Variants in DDX39B observed in about 807,000 individuals in gnomAD.
The protein encoded by DDX39B is DExD-box helicase 39B, also known as spliceosome RNA helicase DDX39B.
A neutral mutation model predicts 46.4 loss-of-function variants in DDX39B; 6 were observed. That is an observed-to-expected ratio of 0.13 (90% CI 0.07 to 0.26). The LOEUF (loss-of-function observed/expected upper bound fraction) is 0.26, where lower values mean the gene tolerates loss of function less well. DDX39B is among the 10% of genes least tolerant of loss of function. The probability of loss-of-function intolerance (pLI) is 1.00; values close to 1 mark genes in which losing one functional copy is unlikely to be tolerated. For missense variants in DDX39B, 185 were observed against 553.4 expected (o/e 0.33, Z 6.68); for synonymous variants, 174 against 199.4 (o/e 0.87, Z 1.07).
chr6:31,539,623 C>T (rs868155892), intron 2 of DDX39B, among the ~76,000 whole-genome samples: 2 of 152,302 alleles, frequency 1.3e-5, no homozygotes, highest in Middle Eastern at 6.8e-3. Context: ...CCACAGACCA[C>T]TTCTCCTGCT....
At chr6:31,536,714 CAG>C in intron 4 of DDX39B, 31 bp from the exon 5 acceptor site, 1 of 1,607,536 alleles carries the variant, frequency 6.2e-7, no homozygotes, top group Non-Finnish European at 8.5e-7. Context: ...AGTCTCAAAA[CAG>C]AGGAAGGAAA....
chr6:31,537,142 AAAGC>A (rs923264654), intron 4 of DDX39B, among the ~76,000 whole-genome samples: 1 of 152,054 alleles, frequency 6.6e-6, no homozygotes, highest in African/African-American at 2.4e-5. Flanking sequence ...AAAATAAAAT[AAAGC>A]CAGGCCCAGT....
At position 31,539,213 on chromosome 6, in the gene DDX39B, C is replaced by T. The variant is rs920470241; in HGVS notation, c.273G>A (p.Ser91=). ...CAAACACTGCTGTCTTTCCCATGCC[C>T]GACTTGGCCTGGCACAGGACATCCA... ...LGMDVLCQAK[S]GMGKTAVFVL... The change falls in exon 3 of 11, where the codon TCG becomes TCA. Residue 91 remains serine (S), a synonymous_variant. Coordinates refer to ENST00000396172, the MANE Select transcript of DDX39B (RefSeq NM_004640.7). 9.3e-6 allele frequency: 15 copies of T among 1,613,150 alleles called. No homozygotes were observed. Among genetic ancestry groups the T allele is most frequent in the African/African-American group, 1.3e-5 (1 of 74,914 alleles).
In DDX39B at chr6:31,534,515, A is replaced by T. The variant is rs1298761307; in HGVS notation, c.735+852T>A. ...CCTATGTCCCTCTCCTCTGAGTATT[A>T]AAAAAAACAAAAAAATTTTTTTAAG... On this transcript the variant is annotated intron_variant, in intron 6 of 10. Transcript: ENST00000396172. This position sits in a 1 kb window ranked among gnomAD's most constrained non-coding sequence, Gnocchi z 5.1. 1 of 469,094 alleles carries T rather than the reference A, an allele frequency of 2.1e-6. No homozygotes were observed. Among genetic ancestry groups the T allele is most frequent in the Non-Finnish European group, 4.4e-6 (1 of 226,490 alleles). 29.1% of individuals were successfully genotyped at this position (469,094 alleles called of 1,614,324 possible).
Position 31,541,997 on chromosome 6 carries a change from G to C in DDX39B, c.-180C>G. On this transcript the variant is annotated 5_prime_UTR_variant, in exon 1 of 11. Transcript: ENST00000396172. The stretch of plus-strand genomic sequence containing the variant: ...GCGGCAGCAACAGCGACGAAGGAGG[G>C]AAATCTGCCTTCACTTCCGGTTGCA... The C allele has an allele frequency of 1.5e-6, 1 of 681,108 alleles. No homozygotes were observed. The highest frequency in any genetic ancestry group is 1.5e-5 in the South Asian group (1 of 67,008). The allele number at this position is 681,108 out of a possible 1,614,324, so 42.2% of individuals were successfully genotyped here. A position where few individuals can be genotyped will look rare whatever the true frequency, so the allele number is the denominator to read the frequency against.
chr6:31,531,059 C>G lies in DDX39B; in HGVS notation c.1116G>C (p.Leu372=), dbSNP rs1767105845. The G allele has an allele frequency of 6.2e-7, 1 of 1,614,054 alleles. No homozygotes were observed. Among genetic ancestry groups the G allele is most frequent in the African/African-American group, 1.3e-5 (1 of 75,018 alleles). The part of the protein sequence containing the change: ...YDMPEDSDTY[L]HRVARAGRFG... ...TTCAGCCTGTGAGGTTTACCCGATG[C>G]AGGTAGGTGTCAGAATCCTCAGGCA... The change falls in exon 9 of 11, where the codon CTG becomes CTC. Residue 372 remains leucine (L), a synonymous_variant. Coordinates refer to ENST00000396172, the MANE Select transcript of DDX39B (RefSeq NM_004640.7). This position sits in a 1 kb window ranked among gnomAD's most constrained non-coding sequence, Gnocchi z 5.8.
In DDX39B at chr6:31,541,955, C is replaced by G; in HGVS notation, c.-138G>C. 1 of 668,574 alleles carries G rather than the reference C, an allele frequency of 1.5e-6. No homozygotes were observed. The highest frequency in any genetic ancestry group is 2.8e-6 in the Non-Finnish European group (1 of 361,518). The allele number at this position is 668,574 out of a possible 1,614,324, so 41.4% of individuals were successfully genotyped here. A position where few individuals can be genotyped will look rare whatever the true frequency, so the allele number is the denominator to read the frequency against. On this transcript the variant is annotated 5_prime_UTR_variant, in exon 1 of 11. Coordinates refer to ENST00000396172, the MANE Select transcript of DDX39B (RefSeq NM_004640.7). Reference sequence around the variant, plus strand: ...TAGCGAAGGCCAAAGCTTACCTAAACAGGGAGAGCGCGTATGGCGGCAGCA... The same window carrying G: ...TAGCGAAGGCCAAAGCTTACCTAAAGAGGGAGAGCGCGTATGGCGGCAGCA...
chr6:31,538,901 A>C, intron 3 of DDX39B, 46 bp from the exon 4 acceptor site: 1 of 1,584,956 alleles, frequency 6.3e-7, no homozygotes, highest in Non-Finnish European at 8.7e-7. Flanking sequence ...GTAGCTCTTC[A>C]TTATCCCCTC....
At position 31,535,454 on chromosome 6, in the gene DDX39B, G is replaced by A; in HGVS notation, c.648C>T (p.Arg216=). The A allele has an allele frequency of 1.2e-6, 2 of 1,613,050 alleles. No individual in the cohort carries two copies. The highest frequency in any genetic ancestry group is 1.7e-6 in the Non-Finnish European group (2 of 1,179,858). ...DMRRDVQEIF[R]MTPHEKQVMM... is the part of the protein sequence containing the mutation. ...TGACCTGCTTCTCGTGGGGGGTCAT[G>A]CGAAAAATTTCCTGGACATCCCGAC... is the stretch of plus-strand genomic sequence containing the variant. The change falls in exon 6 of 11, where the codon CGC becomes CGT. Residue 216 remains arginine, a synonymous_variant. Coordinates refer to ENST00000396172, the MANE Select transcript of DDX39B (RefSeq NM_004640.7). The surrounding 1 kb of genome is among the most constrained non-coding windows in gnomAD (Gnocchi z 4.6).
Position 31,535,089 on chromosome 6 carries a change from G to C in DDX39B, c.735+278C>G. On this transcript the variant is annotated intron_variant, in intron 6 of 10. Transcript: ENST00000396172. This position sits in a 1 kb window ranked among gnomAD's most constrained non-coding sequence, Gnocchi z 4.6. ...GAAAAATCCTGCCCTCCCCCAAAGGGAGAAGAGGTTCAAAAATGTTGTGAT... is the reference window on the plus strand; with the variant it reads ...GAAAAATCCTGCCCTCCCCCAAAGGCAGAAGAGGTTCAAAAATGTTGTGAT... The C allele has an allele frequency of 2.0e-6, 1 of 506,300 alleles. No homozygotes were observed. 31.4% of individuals were successfully genotyped at this position (506,300 alleles called of 1,614,324 possible).
At chr6:31,538,640 AAC>A in intron 4 of DDX39B, 121 bp downstream of exon 4, 1 of 863,844 alleles carries the variant, frequency 1.2e-6, no homozygotes, top group Non-Finnish European at 1.8e-6. Context: ...ATAGGAACTC[AAC>A]ACTCTGTTAC....
chr6:31,533,215 CAAAT>C (rs1767385589), intron 6 of DDX39B: 1 of 307,552 alleles, frequency 3.3e-6, no homozygotes, highest in African/African-American at 2.2e-5. Context: ...GCCATTACCT[CAAAT>C]AGAGGTGGGA....
intron 6 of DDX39B, 28 bp from the exon 7 acceptor site, chr6:31,532,939 G>A (rs755532357): frequency 4.9e-6 from 4 of 821,948 alleles, no homozygotes; most frequent in South Asian, 4.4e-5. Context: ...GGTGGGGAAC[G>A]GGAGGAGGGC....
chr6:31,537,696 A>G (rs997334279), intron 4 of DDX39B, among the ~76,000 whole-genome samples: 1 of 151,982 alleles, frequency 6.6e-6, no homozygotes, highest in Non-Finnish European at 1.5e-5. Context: ...GAAAAGAACA[A>G]CTGTGGAATC....
In DDX39B at chr6:31,534,978, G is replaced by T; in HGVS notation, c.735+389C>A. 7.1e-6 allele frequency: 2 copies of T among 282,350 alleles called. No individual in the cohort carries two copies. Among genetic ancestry groups the T allele is most frequent in the Non-Finnish European group, 1.4e-5 (2 of 143,862 alleles). 17.5% of individuals were successfully genotyped at this position (282,350 alleles called of 1,614,324 possible). ...AAGTAGGAGTTTTGGTGAGCAGAAG[G>T]CTCCAGCTGTACGCTCGATGCCACC... On this transcript the variant is annotated intron_variant, in intron 6 of 10. Coordinates refer to ENST00000396172, the MANE Select transcript of DDX39B (RefSeq NM_004640.7). The surrounding 1 kb of genome is among the most constrained non-coding windows in gnomAD (Gnocchi z 5.1).
chr6:31,531,101 A>T lies in DDX39B; in HGVS notation c.1074T>A (p.Ile358=), dbSNP rs1767109526. 1 of 1,614,088 alleles carries T rather than the reference A, an allele frequency of 6.2e-7. No homozygotes were observed. Among genetic ancestry groups the T allele is most frequent in the Non-Finnish European group, 8.5e-7 (1 of 1,180,034 alleles). The change falls in exon 9 of 11, where the codon ATT becomes ATA. Residue 358 remains isoleucine (I), a synonymous_variant. Coordinates refer to ENST00000396172, the MANE Select transcript of DDX39B (RefSeq NM_004640.7). The surrounding 1 kb of genome is among the most constrained non-coding windows in gnomAD (Gnocchi z 5.8). The part of the protein sequence containing the change: ...GRGMDIERVN[I]AFNYDMPEDS... ...CCTCAGGCATGTCATAATTAAAAGC[A>T]ATGTTCACCCGCTCGATGTCCATGC...
intron 2 of DDX39B, 85 bp downstream of exon 2, chr6:31,540,237 C>A: frequency 6.9e-7 from 1 of 1,446,328 alleles, no homozygotes; most frequent in East Asian, 2.3e-5. Flanking sequence ...TAAACCCTTA[C>A]CACCACCTGA....
rs1767736426 is a variant in DDX39B at position 31,535,970 on chromosome 6, C to T, written c.617-485G>A. On this transcript the variant is annotated intron_variant, in intron 5 of 10. Transcript: ENST00000396172. This position sits in a 1 kb window ranked among gnomAD's most constrained non-coding sequence, Gnocchi z 4.6. ...AGATCATTTGTAATGACTTATGGGGCCTATGTCCAACCCCACTCTCATTCA... is the reference window on the plus strand; with the variant it reads ...AGATCATTTGTAATGACTTATGGGGTCTATGTCCAACCCCACTCTCATTCA... 6.6e-6 allele frequency among the ~76,000 whole-genome samples: 1 copy of T among 152,152 alleles called. No homozygotes were observed. Among genetic ancestry groups the T allele is most frequent in the African/African-American group, 2.4e-5 (1 of 41,424 alleles).
chr6:31,541,983 A>T lies in DDX39B; in HGVS notation c.-166T>A. 1 of 676,972 alleles carries T rather than the reference A, an allele frequency of 1.5e-6. No homozygotes were observed. The highest frequency in any genetic ancestry group is 2.7e-6 in the Non-Finnish European group (1 of 365,558). 41.9% of individuals were successfully genotyped at this position (676,972 alleles called of 1,614,324 possible). A position where few individuals can be genotyped will look rare whatever the true frequency, so the allele number is the denominator to read the frequency against. On this transcript the variant is annotated 5_prime_UTR_variant, in exon 1 of 11. Coordinates refer to ENST00000396172, the MANE Select transcript of DDX39B (RefSeq NM_004640.7). ...GGAGAGCGCGTATGGCGGCAGCAACAGCGACGAAGGAGGGAAATCTGCCTT... is the reference window on the plus strand; with the variant it reads ...GGAGAGCGCGTATGGCGGCAGCAACTGCGACGAAGGAGGGAAATCTGCCTT...
Sources: gnomAD v4.1 joint callset for allele counts (sites outside exome capture counted in the v4.1 genomes callset) on GRCh38, gnomAD v4.1.1 for gene constraint, Gnocchi (gnomAD v3.1) non-coding constraint, MANE v1.5 for transcripts, NCBI Gene and HGNC (gene_info 2026-07-23, HGNC 2026-07-21) for gene names.